Variants in TBRG4 observed in about 807,000 individuals in gnomAD.
TBRG4 encodes the protein FAST kinase domain-containing protein 4.
TBRG4 carries 43 observed loss-of-function variants against 65.6 expected under a neutral mutation model. That is an observed-to-expected ratio of 0.66 (90% CI 0.51 to 0.85). TBRG4 has a LOEUF of 0.85. Ranked by LOEUF, TBRG4 falls within the 40% of genes least tolerant of loss-of-function variation. The pLI is 0.00. For synonymous variants in TBRG4, 366 were observed against 341.4 expected (o/e 1.07, Z -0.79); for missense variants, 709 against 787.9 (o/e 0.90, Z 1.20).
chr7:45,107,861 T>C (rs148892120), intron 2 of TBRG4: 54 of 152,996 alleles, frequency 3.5e-4, no homozygotes, highest in Middle Eastern at 2.1e-3. Flanking sequence ...ACTAAGTTCA[T>C]TTTATGAATT....
chr7:45,108,698 A>G (rs1433992797), intron 2 of TBRG4, 129 bp downstream of exon 2: 1 of 771,476 alleles, frequency 1.3e-6, no homozygotes, highest in Non-Finnish European at 1.9e-6. Context: ...AAATTTATAA[A>G]AAAATAAAAA....
rs776163137 is a variant in TBRG4 at position 45,109,033 on chromosome 7, C to T, written c.205G>A (p.Glu69Lys). The change falls in exon 2 of 11, where the codon GAG becomes AAG. Residue 69 changes from glutamate (E) to lysine (K), a missense_variant. Coordinates refer to ENST00000258770, the MANE Select transcript of TBRG4 (RefSeq NM_004749.4). Reference protein sequence around the residue: ...EKERASTPYIEKQVDHLIKKA... With the variant: ...EKERASTPYIKKQVDHLIKKA... ...TTGATGAGGTGGTCCACCTGCTTCTCTATGTAGGGAGTAGATGCTCGTTCC... is the reference window on the plus strand; with the variant it reads ...TTGATGAGGTGGTCCACCTGCTTCTTTATGTAGGGAGTAGATGCTCGTTCC... 6 of 1,612,878 alleles carry T rather than the reference C, an allele frequency of 3.7e-6. No homozygotes were observed. The highest frequency in any genetic ancestry group is 4.5e-5 in the East Asian group (2 of 44,880).
chr7:45,101,875 C>T lies in TBRG4; in HGVS notation c.1517G>A (p.Ser506Asn). ...CACCTCGAGGCTGCCCTTGTCGGCGCTCCCCAGCAGCCCCTTCAGCGTCTC... is the reference window on the plus strand; with the variant it reads ...CACCTCGAGGCTGCCCTTGTCGGCGTTCCCCAGCAGCCCCTTCAGCGTCTC... ...LQETLKGLLG[S>N]ADKGSLEVAT... The change falls in exon 8 of 11, where the codon AGC (serine) becomes AAC (asparagine). Residue 506 changes from serine to asparagine, a missense_variant. Ser to Asn is a conservative substitution (Grantham distance 46). Coordinates refer to ENST00000258770, the MANE Select transcript of TBRG4 (RefSeq NM_004749.4). The T allele has an allele frequency of 6.2e-7, 1 of 1,610,436 alleles. No homozygotes were observed. The highest frequency in any genetic ancestry group is 8.5e-7 in the Non-Finnish European group (1 of 1,179,554).
In TBRG4 at chr7:45,105,225, G is replaced by C. The variant is rs1033606566; in HGVS notation, c.735+216C>G. On this transcript the variant is annotated intron_variant, in intron 3 of 10. Coordinates refer to ENST00000258770, the MANE Select transcript of TBRG4 (RefSeq NM_004749.4). ...GAAGCGCCTGTGTTGGGAGGAGCAA[G>C]TGGTGCTTGATGAATGCAGCCACAG... 1.3e-5 allele frequency: 8 copies of C among 615,396 alleles called. No homozygotes were observed. In the African/African-American group the frequency reaches 1.5e-4, roughly 11 times the overall value. The allele number at this position is 615,396 out of a possible 1,614,324, so 38.1% of individuals were successfully genotyped here. A position where few individuals can be genotyped will look rare whatever the true frequency, so the allele number is the denominator to read the frequency against.
intron 7 of TBRG4, 69 bp from the exon 8 acceptor site, chr7:45,102,139 G>A: frequency 6.5e-7 from 1 of 1,535,322 alleles, no homozygotes; most frequent in Non-Finnish European, 8.7e-7. Flanking sequence ...TGATGAGAGG[G>A]CAGTGCACCC....
intron 7 of TBRG4, 80 bp downstream of exon 7, chr7:45,102,267 C>T (rs758824716): frequency 3.8e-6 from 6 of 1,592,016 alleles, no homozygotes; most frequent in African/African-American, 1.3e-5. Context: ...CCTCCATCTG[C>T]CCCAAATTCT....
chr7:45,102,401 G>C lies in TBRG4; in HGVS notation c.1267C>G (p.Arg423Gly). Residue 423 changes from arginine (R) to glycine (G), a missense_variant, in exon 7 of 11, where the codon CGG becomes GGG. Transcript: ENST00000258770. The stretch of plus-strand genomic sequence containing the variant: ...AGGACGGCTTGCAGCTCTGCTTCCC[G>C]TGCCTGCTGCAGCACACACAGGGCC... ...VWALCVLQQA[R>G]EAELQAVLHP... 2 of 1,614,042 alleles carry C rather than the reference G, an allele frequency of 1.2e-6. No individual in the cohort carries two copies. Among genetic ancestry groups the C allele is most frequent in the Non-Finnish European group, 1.7e-6 (2 of 1,180,034 alleles).
In TBRG4 at chr7:45,103,507, C is replaced by T. The variant is rs1316238743; in HGVS notation, c.1066-64G>A. On this transcript the variant is annotated intron_variant, in intron 5 of 10. Transcript: ENST00000258770. Reference sequence around the variant, plus strand: ...CTCTGCCCAGCACGCTGTCCTCCTGCCTGGCTCTGAGTCTGAGGAGAGCCT... The same window carrying T: ...CTCTGCCCAGCACGCTGTCCTCCTGTCTGGCTCTGAGTCTGAGGAGAGCCT... 19 of 1,376,662 alleles carry T rather than the reference C, an allele frequency of 1.4e-5. No homozygotes were observed. In the Admixed American group the frequency reaches 3.3e-4, roughly 24 times the overall value. The allele number at this position is 1,376,662 out of a possible 1,614,324, so 85.3% of individuals were successfully genotyped here. A position where few individuals can be genotyped will look rare whatever the true frequency, so the allele number is the denominator to read the frequency against.
chr7:45,110,533 G>A (rs1160198424), intron 1 of TBRG4, among the ~76,000 whole-genome samples: 2 of 151,932 alleles, frequency 1.3e-5, no homozygotes, highest in Non-Finnish European at 2.9e-5. Flanking sequence ...CGGGCGTGGT[G>A]GCGGGCACCT....
chr7:45,105,402 G>A (rs1429558062), intron 3 of TBRG4, 39 bp downstream of exon 3: 2 of 1,557,944 alleles, frequency 1.3e-6, no homozygotes, highest in Admixed American at 1.8e-5. Flanking sequence ...AAAGCCCAGG[G>A]GAGGCAGGCT....
chr7:45,101,573 C>T lies in TBRG4; in HGVS notation c.1609G>A (p.Val537Ile), dbSNP rs762142094. ...LLDSDGEFLP[V>I]RDFVAPHLAQ... ...AGGTGAGGTGCCACAAAGTCCCTTA[C>T]GGGCAGAAACTCGCCGTCACTGTCC... Residue 537 changes from valine (V) to isoleucine (I), a missense_variant, in exon 9 of 11, where the codon GTA becomes ATA. Coordinates refer to ENST00000258770, the MANE Select transcript of TBRG4 (RefSeq NM_004749.4). 3.2e-5 allele frequency: 52 copies of T among 1,613,800 alleles called. No homozygotes were observed. The highest frequency in any genetic ancestry group is 3.3e-4 in the Middle Eastern group (2 of 6,052).
chr7:45,105,745 C>T lies in TBRG4; in HGVS notation c.431G>A (p.Gly144Asp). Residue 144 changes from glycine to aspartate, a missense_variant, in exon 3 of 11, where the codon GGT becomes GAT. Physicochemically the swap from Gly to Asp is moderately conservative, Grantham distance 94 (BLOSUM62 -1). Transcript: ENST00000258770. ...GCTTCCCAGCAGCTTCGAGAGGGTA[C>T]CATGCCAGACCGAGGCAATCTAGGC... Reference protein sequence around the residue: ...LNSQIASVWHGTLSKLLGSLY... With the variant: ...LNSQIASVWHDTLSKLLGSLY... 6.2e-7 allele frequency: 1 copy of T among 1,608,664 alleles called. No homozygotes were observed. The highest frequency in any genetic ancestry group is 8.5e-7 in the Non-Finnish European group (1 of 1,176,362).
chr7:45,105,672 C>T lies in TBRG4; in HGVS notation c.504G>A (p.Val168=). The T allele has an allele frequency of 1.2e-6, 2 of 1,614,092 alleles. No individual in the cohort carries two copies. The highest frequency in any genetic ancestry group is 1.7e-6 in the Non-Finnish European group (2 of 1,180,044). The change falls in exon 3 of 11, where the codon GTG becomes GTA. Residue 168 remains valine, a synonymous_variant. Transcript: ENST00000258770. ...IPKASKELQS[V]EQEVRWRMRK... Reference sequence around the variant, plus strand: ...GCATGCGCCAGCGGACCTCCTGCTCCACCGACTGCAGCTCCTTGGAGGCCT... The same window carrying T: ...GCATGCGCCAGCGGACCTCCTGCTCTACCGACTGCAGCTCCTTGGAGGCCT...
At chr7:45,110,233 C>T (rs1412409421) in intron 1 of TBRG4, among the ~76,000 whole-genome samples, 5 of 152,190 alleles carry the variant, frequency 3.3e-5, no homozygotes, top group Non-Finnish European at 7.3e-5. Context: ...CCTTGCACTT[C>T]CACTTCACCT....
rs752670108 is a variant in TBRG4, at chr7:45,102,054, C to A, written c.1338G>T (p.Lys446Asn). 1.9e-6 allele frequency: 3 copies of A among 1,568,286 alleles called. No individual in the cohort carries two copies. Among genetic ancestry groups the A allele is most frequent in the South Asian group, 2.4e-5 (2 of 84,308 alleles). ...GCAGCTTCTGGAAGGTGTTCTGATC[C>A]TTCTGAGACTTGCCCCCTAGGAGAC... is the stretch of plus-strand genomic sequence containing the variant. ...HIQFLGGKSQ[K>N]DQNTFQKLLH... is the part of the protein sequence containing the mutation. Residue 446 changes from lysine (K) to asparagine (N), a missense_variant, in exon 8 of 11, where the codon AAG (lysine) becomes AAT (asparagine). Physicochemically the swap from Lys to Asn is moderately conservative, Grantham distance 94. Coordinates refer to ENST00000258770, the MANE Select transcript of TBRG4 (RefSeq NM_004749.4).
chr7:45,103,025 C>T lies in TBRG4; in HGVS notation c.1176+308G>A, dbSNP rs1784816551. ...TCATAAAGAAGGCTCCCCCTCCTGCCCTGAGCTGGTGCACATAGCACGAAG... is the reference window on the plus strand; with the variant it reads ...TCATAAAGAAGGCTCCCCCTCCTGCTCTGAGCTGGTGCACATAGCACGAAG... On this transcript the variant is annotated intron_variant, in intron 6 of 10. Transcript: ENST00000258770. 8.9e-6 allele frequency: 4 copies of T among 448,670 alleles called. No homozygotes were observed. In the Admixed American group the frequency reaches 1.4e-4, roughly 15 times the overall value. The allele number at this position is 448,670 out of a possible 1,614,324, so 27.8% of individuals were successfully genotyped here.
chr7:45,101,130 TG>T, intron 10 of TBRG4, 127 bp downstream of exon 10: 2 of 825,032 alleles, frequency 2.4e-6, no homozygotes, highest in South Asian at 1.9e-5. Flanking sequence ...CCTGGGCTCC[TG>T]GGAGAGGCCC....
intron 7 of TBRG4, 74 bp from the exon 8 acceptor site, chr7:45,102,144 G>T: frequency 6.5e-7 from 1 of 1,533,748 alleles, no homozygotes; most frequent in Non-Finnish European, 8.7e-7. Flanking sequence ...AGAGGGCAGT[G>T]CACCCCTACA....
Position 45,102,615 on chromosome 7 carries a change from A to G in TBRG4, c.1177-124T>C, listed in dbSNP as rs559346420. 8.3e-6 allele frequency: 11 copies of G among 1,327,558 alleles called. No homozygotes were observed. The African/African-American group carries it at 1.3e-4, about 16-fold the overall frequency. 82.2% of individuals were successfully genotyped at this position (1,327,558 alleles called of 1,614,324 possible). A position where few individuals can be genotyped will look rare whatever the true frequency, so the allele number is the denominator to read the frequency against. ...TGGGATGAGGCCAGAGGAGGCTACTAGGTAACAAGAGGCAGAACCCTGGCC... is the reference window on the plus strand; with the variant it reads ...TGGGATGAGGCCAGAGGAGGCTACTGGGTAACAAGAGGCAGAACCCTGGCC... On this transcript the variant is annotated intron_variant, in intron 6 of 10. Coordinates refer to ENST00000258770, the MANE Select transcript of TBRG4 (RefSeq NM_004749.4).
Sources: gnomAD v4.1 joint callset for allele counts (sites outside exome capture counted in the v4.1 genomes callset) on GRCh38, gnomAD v4.1.1 for gene constraint, MANE v1.5 for transcripts, NCBI Gene and HGNC (gene_info 2026-07-23, HGNC 2026-07-21) for gene names.